The following BRWD1 variants were observed in gnomAD, a reference collection of about 807,000 sequenced individuals.
BRWD1 encodes the protein bromodomain and WD repeat domain containing 1, also known as bromodomain and WD repeat-containing protein 1.
A neutral mutation model predicts 251.2 loss-of-function variants in BRWD1; 82 were observed. The ratio of observed to expected loss-of-function variants is 0.33; its 90% CI spans 0.27 to 0.39. The LOEUF is 0.39. BRWD1 is among the 10% of genes least tolerant of loss of function. The pLI, the probability that BRWD1 is intolerant of heterozygous loss-of-function variation, is 1.00. For synonymous variants in BRWD1, 918 were observed against 902.8 expected, an observed-to-expected ratio of 1.02 and a Z score of -0.30; for missense variants, 2,233 against 2,711.6, an observed-to-expected ratio of 0.82 and a Z score of 3.92.
chr21:39,219,595 A>AAATG (rs2033091172), intron 29 of BRWD1: 1 of 152,258 alleles, frequency 6.6e-6, no homozygotes, highest in Non-Finnish European at 1.5e-5. Context: ...CATCATTTTA[A>AAATG]CAGCTGCTAA....
At chr21:39,206,335 A>G in intron 36 of BRWD1, 61 bp from the exon 37 acceptor site, 1 of 1,216,232 alleles carries the variant, frequency 8.2e-7, no homozygotes, top group Non-Finnish European at 1.1e-6. Context: ...TTAAGAAATA[A>G]TTGTAATCAT....
chr21:39,230,556 G>A lies in BRWD1; in HGVS notation c.3001-1120C>T, dbSNP rs139697622. Among the ~76,000 whole-genome samples, 3 of 152,236 alleles carry A rather than the reference G, an allele frequency of 2.0e-5. No homozygotes were observed. The East Asian group carries it at 5.8e-4, about 29-fold the overall frequency. On this transcript the variant is annotated intron_variant, in intron 25 of 40. Coordinates refer to ENST00000342449, the MANE Select transcript of BRWD1 (RefSeq NM_033656.4). Reference sequence around the variant, plus strand: ...GTAACTTGGTTTTATGCGTGTTTCCGTTTAAAGGTACCTTATTTAATATGT... The same window carrying A: ...GTAACTTGGTTTTATGCGTGTTTCCATTTAAAGGTACCTTATTTAATATGT...
chr21:39,190,392 A>AGAAT lies in BRWD1; in HGVS notation c.*5863_*5866dup. ...AATTGGAGCATTTAAAACAGATTTG[A>AGAAT]GAATGAGAAAAGAATGTCTGACTCA... is the stretch of plus-strand genomic sequence containing the variant. On this transcript the variant is annotated 3_prime_UTR_variant, in exon 41 of 41. Transcript: ENST00000342449. 1.0e-6 allele frequency: 1 copy of AGAAT among 985,380 alleles called. No individual in the cohort carries two copies. The highest frequency in any genetic ancestry group is 1.1e-4 in the East Asian group (1 of 8,816). The allele number at this position is 985,380 out of a possible 1,614,324, so 61.0% of individuals were successfully genotyped here. A position where few individuals can be genotyped will look rare whatever the true frequency, so the allele number is the denominator to read the frequency against.
intron 18 of BRWD1, 68 bp from the exon 19 acceptor site, chr21:39,255,896 A>C: frequency 7.1e-7 from 1 of 1,410,958 alleles, no homozygotes; most frequent in East Asian, 2.4e-5. Flanking sequence ...GCATGTAACA[A>C]GCACACGTTC....
At chr21:39,251,663 T>C (rs2034397213) in intron 19 of BRWD1, among the ~76,000 whole-genome samples, 2 of 152,282 alleles carry the variant, frequency 1.3e-5, no homozygotes, top group East Asian at 1.9e-4. Flanking sequence ...AAGATTACAG[T>C]AGAACATTAT....
intron 18 of BRWD1, among the ~76,000 whole-genome samples, chr21:39,256,607 G>C (rs960286179): frequency 6.6e-6 from 1 of 152,230 alleles, no homozygotes; most frequent in Admixed American, 6.5e-5. Flanking sequence ...GGAAGCCACA[G>C]AGGCTGTTAA....
intron 4 of BRWD1, 63 bp downstream of exon 4, chr21:39,312,778 G>T: frequency 2.1e-6 from 3 of 1,406,780 alleles, no homozygotes; most frequent in East Asian, 2.6e-5. Flanking sequence ...CCCGCGAGGG[G>T]AAGGGGCGGG....
Position 39,186,936 on chromosome 21 carries a change from G to A in BRWD1, c.*9323C>T, listed in dbSNP as rs1485865944. On this transcript the variant is annotated 3_prime_UTR_variant, in exon 41 of 41. Coordinates refer to ENST00000342449, the MANE Select transcript of BRWD1 (RefSeq NM_033656.4). ...AATTCCTCCAAAGATGCCAATAAGG[G>A]AGTAATTTTAGAGCTGGGAGCAGAA... 2 of 1,494,770 alleles carry A rather than the reference G, an allele frequency of 1.3e-6. No individual in the cohort carries two copies. Among genetic ancestry groups the A allele is most frequent in the African/African-American group, 1.4e-5 (1 of 70,596 alleles). 92.6% of individuals were successfully genotyped at this position (1,494,770 alleles called of 1,614,324 possible).
At chr21:39,293,786 T>C (rs766813124) in intron 8 of BRWD1, 25 bp downstream of exon 8, 8 of 1,570,152 alleles carry the variant, frequency 5.1e-6, no homozygotes, top group South Asian at 2.2e-5. Flanking sequence ...CATATAGGAA[T>C]GTGCCCACTA....
In BRWD1 at chr21:39,229,260, CA is replaced by C. The variant is rs1166721624; in HGVS notation, c.3125+51del. 9 of 1,482,974 alleles carry C rather than the reference CA, an allele frequency of 6.1e-6. No individual in the cohort carries two copies. The East Asian group carries it at 1.7e-4, about 28-fold the overall frequency. 91.9% of individuals were successfully genotyped at this position (1,482,974 alleles called of 1,614,324 possible). A position where few individuals can be genotyped will look rare whatever the true frequency, so the allele number is the denominator to read the frequency against. ...AAGGGCATGCTAATCATTCAATCAG[CA>C]AAATGGCAAATTTAAATTTAAGTAA... On this transcript the variant is annotated intron_variant, in intron 26 of 40. Transcript: ENST00000342449.
chr21:39,248,641 C>CAAAAAAAAAAAAAAAAAAAAA (rs375430016), intron 20 of BRWD1, among the ~76,000 whole-genome samples: 1 of 83,298 alleles, frequency 1.2e-5, no homozygotes, highest in South Asian at 4.2e-4. Context: ...CCCTATCTCC[C>CAAAAAAAAAAAAAAAAAAAAA]AAAAAAAAAA....
chr21:39,318,108 C>CT (rs577439897), upstream of BRWD1, among the ~76,000 whole-genome samples: 316 of 148,572 alleles, frequency 2.1e-3, 2 homozygotes, highest in Admixed American at 8.3e-3. Context: ...AAATGGAAAG[C>CT]TTTTTTTTTT....
intron 29 of BRWD1, among the ~76,000 whole-genome samples, chr21:39,221,564 A>G (rs1473409503): frequency 6.6e-6 from 1 of 152,224 alleles, no homozygotes; most frequent in Non-Finnish European, 1.5e-5. Flanking sequence ...GCCCCGAAAT[A>G]CAGAGACCAT....
Position 39,187,069 on chromosome 21 carries a change from AGC to A in BRWD1, c.*9188_*9189del, listed in dbSNP as rs1285111607. The A allele has an allele frequency of 6.3e-7, 1 of 1,591,524 alleles. No homozygotes were observed. Among genetic ancestry groups the A allele is most frequent in the East Asian group, 2.2e-5 (1 of 44,778 alleles). On this transcript the variant is annotated 3_prime_UTR_variant, in exon 41 of 41. Coordinates refer to ENST00000342449, the MANE Select transcript of BRWD1 (RefSeq NM_033656.4). ...CCAGGATCTGAACCCCCTTAAAAAA[AGC>A]ATTTTTCTATTAATATCTTCTAGCT...
rs752968227 is a variant in BRWD1, at chr21:39,198,800, A to C, written c.5616T>G (p.Asp1872Glu). Residue 1872 changes from aspartate (D) to glutamate (E), a missense_variant, in exon 40 of 41, where the codon GAT (aspartate) becomes GAG (glutamate). Asp to Glu is a conservative substitution (Grantham distance 45, BLOSUM62 2). Around this residue, in one of 12 missense-constraint regions of BRWD1, gnomAD observed 928 missense variants for 970.0 expected, o/e 0.96. Coordinates refer to ENST00000342449, the MANE Select transcript of BRWD1 (RefSeq NM_033656.4). The stretch of plus-strand genomic sequence containing the variant: ...TGTTTGGTTTTTCTATTTTGTCATC[A>C]TCTGAATCTAAATCAGTTTCACATC... ...DHGCETDLDS[D>E]DDKIEKPNNF... The C allele has an allele frequency of 3.1e-6, 5 of 1,597,476 alleles. No individual in the cohort carries two copies. The highest frequency in any genetic ancestry group is 4.3e-6 in the Non-Finnish European group (5 of 1,174,622).
In BRWD1 at chr21:39,215,130, A is replaced by G. The variant is rs2032832890; in HGVS notation, c.3785+107T>C. ...AGTGATCTGACGGCCTTCACTTCCCAAAGTGCTGGGATTAACAGGCATGAG... is the reference window on the plus strand; with the variant it reads ...AGTGATCTGACGGCCTTCACTTCCCGAAGTGCTGGGATTAACAGGCATGAG... On this transcript the variant is annotated intron_variant, in intron 32 of 40. Transcript: ENST00000342449. 3.4e-6 allele frequency: 4 copies of G among 1,185,612 alleles called. No individual in the cohort carries two copies. The East Asian group carries it at 7.6e-5, about 23-fold the overall frequency. The allele number at this position is 1,185,612 out of a possible 1,614,324, so 73.4% of individuals were successfully genotyped here.
chr21:39,258,643 T>G lies in BRWD1; in HGVS notation c.1915A>C (p.Ser639Arg). The G allele has an allele frequency of 6.2e-7, 1 of 1,605,272 alleles. No individual in the cohort carries two copies. Among genetic ancestry groups the G allele is most frequent in the Non-Finnish European group, 8.5e-7 (1 of 1,175,596 alleles). ...SDGEVIEQII[S>R]LQTNDNDERS... ...TCATCATTATCATTGGTTTGCAGGC[T>G]TATAATTTGTTCAATCACCTCTCCA... The change falls in exon 18 of 41, where the codon AGC (serine) becomes CGC (arginine). Residue 639 changes from serine to arginine, a missense_variant. Ser to Arg is a moderately radical substitution (Grantham distance 110). Coordinates refer to ENST00000342449, the MANE Select transcript of BRWD1 (RefSeq NM_033656.4).
In BRWD1 at chr21:39,210,927, G is replaced by C; in HGVS notation, c.3903C>G (p.Val1301=). 6.2e-7 allele frequency: 1 copy of C among 1,609,380 alleles called. No homozygotes were observed. Among genetic ancestry groups the C allele is most frequent in the Non-Finnish European group, 8.5e-7 (1 of 1,178,622 alleles). Residue 1301 remains valine, a splice_region_variant and synonymous_variant, in exon 35 of 41, where the codon GTC becomes GTG. Coordinates refer to ENST00000342449, the MANE Select transcript of BRWD1 (RefSeq NM_033656.4). The part of the protein sequence containing the change: ...LPKTSSGRRR[V]HDGKKSIRAT... ...CTCTGATGCTTTTTTTCCCATCATG[G>C]ACCTAAAAATACATTCACAGTCTTA...
chr21:39,295,971 A>G, intron 6 of BRWD1, 68 bp from the exon 7 acceptor site: 1 of 1,350,486 alleles, frequency 7.4e-7, no homozygotes, highest in Non-Finnish European at 9.8e-7. Context: ...AAAAACTCAA[A>G]TAACAATTTC....
Sources: allele counts gnomAD v4.1 joint callset (sites outside exome capture counted in the v4.1 genomes callset), GRCh38; gene constraint gnomAD v4.1.1; regional missense constraint gnomAD v4.1.1; transcripts MANE v1.5; gene names NCBI Gene and HGNC (gene_info 2026-07-23, HGNC 2026-07-21).